Variants in SYT16 observed in about 807,000 individuals in gnomAD.
The protein encoded by SYT16 is synaptotagmin-16.
In SYT16, 42 loss-of-function variants were observed where a neutral mutation model predicts 61.4. That is an observed-to-expected ratio of 0.68 (90% CI 0.53 to 0.89). The LOEUF is 0.89. SYT16 is among the 40% of genes least tolerant of loss of function. The probability of loss-of-function intolerance (pLI) is 0.00; values close to 1 mark genes in which losing one functional copy is unlikely to be tolerated. For synonymous variants in SYT16, 314 were observed against 302.3 expected, an observed-to-expected ratio of 1.04 and a Z score of -0.40; for missense variants, 804 against 807.3, an observed-to-expected ratio of 1.00 and a Z score of 0.05.
chr14:62,034,074 C>G (rs995647435), intron 3 of SYT16, among the ~76,000 whole-genome samples: 2 of 152,054 alleles, frequency 1.3e-5, no homozygotes, highest in South Asian at 2.1e-4. Flanking sequence ...AGAAGATATA[C>G]AAATGACCAA....
At chr14:61,812,344 G>A (rs573886935), upstream of SYT16, 1 of 152,662 alleles carries the variant, frequency 6.6e-6, no homozygotes, top group East Asian at 1.9e-4. Flanking sequence ...TCGAGGTAGG[G>A]ATGAAGCGGA....
At position 61,846,694 on chromosome 14, in the gene SYT16, TTG is replaced by T. The variant is rs2046455424; in HGVS notation, c.-325+33886_-325+33887del. ...TTGTTAAGAACTTACTCCTGCCATT[TTG>T]TCATTTTCTTGTTGTTTTATGGTCT... On this transcript the variant is annotated intron_variant, in intron 1 of 7. Transcript: ENST00000683842. Among the ~76,000 whole-genome samples the T allele has an allele frequency of 2.0e-5, 3 of 152,266 alleles. 1 individual carries two copies. In the South Asian group the frequency reaches 6.2e-4, roughly 32 times the overall value.
At chr14:62,003,214 T>C (rs1436681188) in intron 3 of SYT16, among the ~76,000 whole-genome samples, 1 of 152,046 alleles carries the variant, frequency 6.6e-6, no homozygotes, top group Non-Finnish European at 1.5e-5. Context: ...TTATTTTGCC[T>C]GTAGTAGCCA....
intron 5 of SYT16, among the ~76,000 whole-genome samples, chr14:62,077,050 G>A (rs761384497): frequency 1.3e-5 from 2 of 152,158 alleles, no homozygotes; most frequent in African/African-American, 2.4e-5. Context: ...GGCAGTTCCC[G>A]TAACTGCCTG....
At chr14:61,835,038 A>G (rs1460334005) in intron 1 of SYT16, among the ~76,000 whole-genome samples, 1 of 152,186 alleles carries the variant, frequency 6.6e-6, no homozygotes, top group Non-Finnish European at 1.5e-5. Context: ...CCCACTTTGC[A>G]TATGAAGATA....
In SYT16 at chr14:62,067,596, A is replaced by G. The variant is rs185309692; in HGVS notation, c.524-2007A>G. Among the ~76,000 whole-genome samples the G allele has an allele frequency of 3.3e-5, 5 of 152,346 alleles. No homozygotes were observed. The East Asian group carries it at 9.6e-4, about 29-fold the overall frequency. On this transcript the variant is annotated intron_variant, in intron 3 of 7. Transcript: ENST00000683842. Reference sequence around the variant, plus strand: ...TAGGAAGGCTATTATCAAAAACACAAAAGACATCGTGTGTTGGTGAGGGTA... The same window carrying G: ...TAGGAAGGCTATTATCAAAAACACAGAAGACATCGTGTGTTGGTGAGGGTA...
At position 61,936,230 on chromosome 14, in the gene SYT16, G is replaced by A. The variant is rs927779346; in HGVS notation, c.-324-33902G>A. The stretch of plus-strand genomic sequence containing the variant: ...ATTGAGAGTCAGAGTGGGGTTATGC[G>A]CTGCCTCTTTTTGATGGTTTCTAGA... On this transcript the variant is annotated intron_variant, in intron 1 of 7. Coordinates refer to ENST00000683842, the MANE Select transcript of SYT16 (RefSeq NM_001367656.1). Among the ~76,000 whole-genome samples the A allele has an allele frequency of 2.6e-4, 39 of 152,130 alleles. 1 individual carries two copies. The highest frequency in any genetic ancestry group is 1.6e-3 in the Admixed American group (25 of 15,276).
intron 2 of SYT16, among the ~76,000 whole-genome samples, chr14:61,987,388 A>G (rs2052359617): frequency 6.6e-6 from 1 of 152,172 alleles, no homozygotes; most frequent in African/African-American, 2.4e-5. Flanking sequence ...GAATGACGTG[A>G]TCAAATATGC....
chr14:61,858,214 G>A (rs999020434), intron 1 of SYT16, among the ~76,000 whole-genome samples: 3 of 151,504 alleles, frequency 2.0e-5, no homozygotes, highest in African/African-American at 7.3e-5. Context: ...ACAAAACTTG[G>A]CAAACAGTCT....
At chr14:61,917,282 T>A (rs1338277700) in intron 1 of SYT16, among the ~76,000 whole-genome samples, 2 of 152,134 alleles carry the variant, frequency 1.3e-5, no homozygotes, top group Non-Finnish European at 2.9e-5. Context: ...TCCTGGTAAT[T>A]GTACCCTGTC....
chr14:62,065,863 G>A (rs531888192), intron 3 of SYT16, among the ~76,000 whole-genome samples: 15 of 152,326 alleles, frequency 9.8e-5, no homozygotes, highest in African/African-American at 2.9e-4. Context: ...GAAGAGACTG[G>A]TCATTATGGT....
Position 62,106,861 on chromosome 14 carries a change from TA to T in SYT16, c.*6155del, listed in dbSNP as rs1039950712. 6.6e-6 allele frequency: 1 copy of T among 152,148 alleles called. No homozygotes were observed. Among genetic ancestry groups the T allele is most frequent in the African/African-American group, 2.4e-5 (1 of 41,424 alleles). 9.4% of individuals were successfully genotyped at this position (152,148 alleles called of 1,614,324 possible). A position where few individuals can be genotyped will look rare whatever the true frequency, so the allele number is the denominator to read the frequency against. ...CTCGAGGCTTTACAGAACAAGCTCA[TA>T]GGCAGTCATGGAGATCTGAGGCCTT... On this transcript the variant is annotated 3_prime_UTR_variant, in exon 8 of 8. Coordinates refer to ENST00000683842, the MANE Select transcript of SYT16 (RefSeq NM_001367656.1).
At chr14:62,077,534 T>C (rs1281116474) in intron 5 of SYT16, 4 of 152,346 alleles carry the variant, frequency 2.6e-5, no homozygotes, top group Admixed American at 2.6e-4. Flanking sequence ...TGCTTTCCAC[T>C]GATTAATTGG....
intron 3 of SYT16, among the ~76,000 whole-genome samples, chr14:62,000,718 T>C (rs931472028): frequency 9.9e-5 from 15 of 151,964 alleles, no homozygotes; most frequent in Admixed American, 7.2e-4. Context: ...TTAATGGTCA[T>C]CCTAGGATCC....
chr14:61,893,487 G>A (rs1319946797), intron 1 of SYT16, among the ~76,000 whole-genome samples: 8 of 152,196 alleles, frequency 5.3e-5, no homozygotes, highest in African/African-American at 1.7e-4. Context: ...GTGACCTGGA[G>A]CAAATTAACC....
At chr14:61,972,780 G>A (rs961618753) in intron 2 of SYT16, among the ~76,000 whole-genome samples, 7 of 152,204 alleles carry the variant, frequency 4.6e-5, no homozygotes, top group African/African-American at 1.7e-4. Context: ...GCCCAGTACA[G>A]ACAGACAGAG....
intron 1 of SYT16, among the ~76,000 whole-genome samples, chr14:61,892,682 C>T (rs1239447374): frequency 1.3e-5 from 2 of 152,154 alleles, no homozygotes; most frequent in Non-Finnish European, 2.9e-5. Context: ...GGCTTTAGAA[C>T]CGATGGGGGG....
Position 61,827,163 on chromosome 14 carries a change from G to A in SYT16, c.-325+14353G>A, listed in dbSNP as rs141989451. On this transcript the variant is annotated intron_variant, in intron 1 of 7. Transcript: ENST00000683842. ...AAGGGAATAGTCCTCTGGCTTCATT[G>A]TTGGCTGCTGGATCTGGTGGAGGCT... Among the ~76,000 whole-genome samples the A allele has an allele frequency of 2.0e-3, 310 of 152,296 alleles. 1 individual carries two copies. The highest frequency in any genetic ancestry group is 7.3e-3 in the African/African-American group (302 of 41,552).
intron 3 of SYT16, among the ~76,000 whole-genome samples, chr14:62,008,861 C>T (rs766995072): frequency 3.9e-5 from 6 of 151,950 alleles, no homozygotes; most frequent in Non-Finnish European, 8.8e-5. Context: ...ATTTTCCATC[C>T]TTCAATTGAT....
Sources: gnomAD v4.1 joint callset for allele counts (sites outside exome capture counted in the v4.1 genomes callset) on GRCh38, gnomAD v4.1.1 for gene constraint, MANE v1.5 for transcripts, NCBI Gene and HGNC (gene_info 2026-07-23, HGNC 2026-07-21) for gene names.